The following ADK variants were observed in gnomAD, a reference collection of about 807,000 sequenced individuals.
The protein encoded by ADK is N6,N6-dimethyladenosine kinase.
Under a neutral mutation model 44.7 loss-of-function variants are expected in ADK, and 24 were observed. The observed-to-expected ratio is 0.54, with a 90% CI of 0.39 to 0.76. ADK has a LOEUF of 0.76. Ranked by LOEUF, ADK falls within the 30% of genes least tolerant of loss-of-function variation. The pLI is 0.00. For missense variants in ADK, 321 were observed against 425.1 expected, an observed-to-expected ratio of 0.76 and a Z score of 2.15; for synonymous variants, 128 against 142.6, an observed-to-expected ratio of 0.90 and a Z score of 0.73.
intron 3 of ADK, among the ~76,000 whole-genome samples, chr10:74,231,529 G>A (rs893351330): frequency 1.4e-5 from 2 of 146,706 alleles, no homozygotes. Context: ...GTGCAGTGGC[G>A]TGATCATGAC....
At chr10:74,160,753 A>G (rs1178279026) in intron 1 of ADK, among the ~76,000 whole-genome samples, 3 of 146,866 alleles carry the variant, frequency 2.0e-5, no homozygotes, top group Non-Finnish European at 3.0e-5. Flanking sequence ...GTATATGGGG[A>G]GCCAGTGAGT....
chr10:74,498,948 A>G (rs1327094399), intron 6 of ADK, among the ~76,000 whole-genome samples: 1 of 152,238 alleles, frequency 6.6e-6, no homozygotes, highest in Non-Finnish European at 1.5e-5. Context: ...TCAGTAAACT[A>G]TCACAAGGAC....
chr10:74,217,482 TTA>T (rs1844099419), intron 2 of ADK, among the ~76,000 whole-genome samples: 1 of 152,182 alleles, frequency 6.6e-6, no homozygotes, highest in Non-Finnish European at 1.5e-5. Flanking sequence ...CTCTGCAGAC[TTA>T]TATGTCCCTG....
intron 6 of ADK, among the ~76,000 whole-genome samples, chr10:74,412,510 A>T (rs1191302725): frequency 1.3e-5 from 2 of 152,246 alleles, no homozygotes; most frequent in Admixed American, 1.3e-4. Context: ...CTCTGCCCAA[A>T]CCCATCAGAT....
rs1856679645 is a variant in ADK, at chr10:74,708,335, C to T, written c.979C>T (p.Leu327=). The change falls in exon 11 of 11, where the codon CTG becomes TTG. Residue 327 remains leucine, a synonymous_variant. Transcript: ENST00000539909. ...DAFVGGFLSQ[L]VSDKPLTECI... ...CTGTGTTCTAGGTTTTCTGTCTCAACTGGTCTCTGACAAGCCTCTGACTGA... is the reference window on the plus strand; with the variant it reads ...CTGTGTTCTAGGTTTTCTGTCTCAATTGGTCTCTGACAAGCCTCTGACTGA... 1 of 1,610,626 alleles carries T rather than the reference C, an allele frequency of 6.2e-7. No homozygotes were observed.
Position 74,552,682 on chromosome 10 carries a change from T to C in ADK, c.726+27256T>C, listed in dbSNP as rs936183209. Reference sequence around the variant, plus strand: ...CAGATTAGGAGAAAACATTTACAATTCATGTATCTGACAAATGATTGTATC... The same window carrying C: ...CAGATTAGGAGAAAACATTTACAATCCATGTATCTGACAAATGATTGTATC... On this transcript the variant is annotated intron_variant, in intron 7 of 10. Transcript: ENST00000539909. Among the ~76,000 whole-genome samples, 12 of 152,260 alleles carry C rather than the reference T, an allele frequency of 7.9e-5. No individual in the cohort carries two copies. In the East Asian group the frequency reaches 2.3e-3, roughly 29 times the overall value.
chr10:74,359,672 T>A (rs1381323149), intron 4 of ADK, among the ~76,000 whole-genome samples: 2 of 152,198 alleles, frequency 1.3e-5, no homozygotes, highest in Non-Finnish European at 2.9e-5. Context: ...ATCATGCCAC[T>A]GCACTCTAGC....
chr10:74,210,330 GAAAAAA>G (rs57852507), intron 2 of ADK, among the ~76,000 whole-genome samples: 3 of 84,920 alleles, frequency 3.5e-5, no homozygotes, highest in African/African-American at 4.5e-5. Flanking sequence ...TCCATCTCAG[GAAAAAA>G]AAAAAAAAAA....
chr10:74,292,024 TG>T (rs1847458843), intron 3 of ADK, among the ~76,000 whole-genome samples: 4 of 152,182 alleles, frequency 2.6e-5, no homozygotes, highest in African/African-American at 9.7e-5. Flanking sequence ...ACAGAATGAC[TG>T]CATCACTAGA....
intron 9 of ADK, among the ~76,000 whole-genome samples, chr10:74,658,108 G>A (rs1854559037): frequency 6.6e-6 from 1 of 152,136 alleles, no homozygotes; most frequent in African/African-American, 2.4e-5. Flanking sequence ...AGAGTTAAGA[G>A]TTCATTCAAT....
At chr10:74,217,762 G>A (rs898857114) in intron 2 of ADK, among the ~76,000 whole-genome samples, 1 of 152,096 alleles carries the variant, frequency 6.6e-6, no homozygotes, top group Non-Finnish European at 1.5e-5. Flanking sequence ...AGGCAAACAG[G>A]GTCTGGAGTG....
In ADK at chr10:74,372,144, G is replaced by T. The variant is rs955062256; in HGVS notation, c.274-21997G>T. The stretch of plus-strand genomic sequence containing the variant: ...GGAATTCATGCCTGATCTCTACAGA[G>T]ATCCTAAAGAGACTGAAAAAGCAGA... On this transcript the variant is annotated intron_variant, in intron 4 of 10. Transcript: ENST00000539909. 5 of 751,158 alleles carry T rather than the reference G, an allele frequency of 6.7e-6. No homozygotes were observed. The Admixed American group carries it at 8.7e-5, about 13-fold the overall frequency. The allele number at this position is 751,158 out of a possible 1,614,324, so 46.5% of individuals were successfully genotyped here.
rs1843639729 is a variant in ADK at position 74,399,575 on chromosome 10, A to G, written c.555+996A>G. Reference sequence around the variant, plus strand: ...GGAAAGTTATGCTATCTTTTCTGCCAGTATGTGAGAAAAACATTTCAAGAA... The same window carrying G: ...GGAAAGTTATGCTATCTTTTCTGCCGGTATGTGAGAAAAACATTTCAAGAA... On this transcript the variant is annotated intron_variant, in intron 6 of 10. Coordinates refer to ENST00000539909, the MANE Select transcript of ADK (RefSeq NM_006721.4). Among the ~76,000 whole-genome samples, 4 of 151,930 alleles carry G rather than the reference A, an allele frequency of 2.6e-5. No homozygotes were observed. In the South Asian group the frequency reaches 8.3e-4, roughly 32 times the overall value.
chr10:74,352,856 A>G (rs1564670422), intron 4 of ADK, among the ~76,000 whole-genome samples: 3 of 152,224 alleles, frequency 2.0e-5, no homozygotes, highest in Non-Finnish European at 4.4e-5. Flanking sequence ...AATCAAAACC[A>G]CAATGAGATA....
intron 3 of ADK, among the ~76,000 whole-genome samples, chr10:74,244,285 A>G (rs1263181820): frequency 6.6e-6 from 1 of 152,194 alleles, no homozygotes; most frequent in Non-Finnish European, 1.5e-5. Context: ...AGATGGTGCT[A>G]TTTCGCCTGT....
At chr10:74,348,378 C>CA (rs1180463795) in intron 4 of ADK, among the ~76,000 whole-genome samples, 1 of 152,058 alleles carries the variant, frequency 6.6e-6, no homozygotes, top group Non-Finnish European at 1.5e-5. Context: ...AAACAGAAAG[C>CA]AACAAACTCA....
chr10:74,406,984 CTTT>C (rs750726079), intron 6 of ADK, among the ~76,000 whole-genome samples: 1 of 124,544 alleles, frequency 8.0e-6, no homozygotes, highest in African/African-American at 3.0e-5. Flanking sequence ...TGGCCTCTTT[CTTT>C]TTTTTTTTTT....
chr10:74,324,360 A>G (rs10824150), intron 4 of ADK, among the ~76,000 whole-genome samples: 1 of 151,912 alleles, frequency 6.6e-6, no homozygotes, highest in Non-Finnish European at 1.5e-5. Context: ...TTATTCATGT[A>G]TGTGATTGTA....
At chr10:74,521,127 C>G (rs1848815592) in intron 6 of ADK, among the ~76,000 whole-genome samples, 1 of 152,038 alleles carries the variant, frequency 6.6e-6, no homozygotes. Context: ...GGTTATAAAT[C>G]TAGCAAGAAA....
Sources: allele counts gnomAD v4.1 joint callset (sites outside exome capture counted in the v4.1 genomes callset), GRCh38; gene constraint gnomAD v4.1.1; transcripts MANE v1.5; gene names NCBI Gene and HGNC (gene_info 2026-07-23, HGNC 2026-07-21).